KLF12: variants seen among roughly 807,000 people sequenced by gnomAD.
The protein encoded by KLF12 is KLF transcription factor 12, also known as Krueppel-like factor 12.
A neutral mutation model predicts 37.8 loss-of-function variants in KLF12; 9 were observed. The ratio of observed to expected loss-of-function variants is 0.24; its 90% CI spans 0.14 to 0.42. The LOEUF is 0.42. KLF12 is among the 10% of genes least tolerant of loss of function. The probability of loss-of-function intolerance (pLI) is 1.00; values close to 1 mark genes in which losing one functional copy is unlikely to be tolerated. For synonymous variants in KLF12, 208 were observed against 202.1 expected (o/e 1.03, Z -0.25); for missense variants, 411 against 516.0 (o/e 0.80, Z 1.97).
At chr13:74,198,503 A>G in the KLF12 span, among the ~76,000 whole-genome samples, 1 of 152,134 alleles carries the variant, frequency 6.6e-6, no homozygotes, top group Admixed American at 6.6e-5. Flanking sequence ...TTCCATCTAC[A>G]CTGAGATAAG....
At chr13:74,021,011 C>T (rs543035023) in intron 1 of KLF12, among the ~76,000 whole-genome samples, 82 of 152,222 alleles carry the variant, frequency 5.4e-4, no homozygotes, top group Middle Eastern at 3.4e-3. Flanking sequence ...CCAGACCCCT[C>T]GACGTCTGCT....
chr13:73,770,139 A>G (rs1454114735), intron 5 of KLF12, among the ~76,000 whole-genome samples: 1 of 152,202 alleles, frequency 6.6e-6, no homozygotes, highest in African/African-American at 2.4e-5. Flanking sequence ...AAATAACTCC[A>G]CAATTACTAA....
At chr13:73,842,450 C>T (rs1884787887) in intron 4 of KLF12, among the ~76,000 whole-genome samples, 2 of 152,118 alleles carry the variant, frequency 1.3e-5, no homozygotes, top group South Asian at 4.1e-4. Context: ...TCTGCTTTGC[C>T]CAACACTGTA....
chr13:73,935,497 C>T (rs1465265168), intron 3 of KLF12, among the ~76,000 whole-genome samples: 1 of 151,982 alleles, frequency 6.6e-6, no homozygotes, highest in East Asian at 1.9e-4. Flanking sequence ...GGGGCGGATC[C>T]CTCATTAATG....
the KLF12 span, among the ~76,000 whole-genome samples, chr13:74,163,374 TAC>T: frequency 1.4e-4 from 21 of 152,300 alleles, no homozygotes; most frequent in African/African-American, 4.6e-4. Context: ...GTGATATATA[TAC>T]ACAATGAAGT....
At chr13:74,151,425 C>A in the KLF12 span, among the ~76,000 whole-genome samples, 1 of 152,056 alleles carries the variant, frequency 6.6e-6, no homozygotes. Context: ...CCGAGGTGGG[C>A]GGATTGCTTG....
the KLF12 span, among the ~76,000 whole-genome samples, chr13:74,240,273 C>T: frequency 7.1e-6 from 1 of 140,508 alleles, no homozygotes; most frequent in Admixed American, 7.1e-5. Flanking sequence ...ATATTGGCCC[C>T]CACTCTCTTC....
chr13:74,300,932 T>C, the KLF12 span, among the ~76,000 whole-genome samples: 11 of 152,124 alleles, frequency 7.2e-5, no homozygotes, highest in South Asian at 2.1e-4. Flanking sequence ...CAGACTGACA[T>C]TGACAAATAG....
At chr13:74,279,444 T>C in the KLF12 span, among the ~76,000 whole-genome samples, 2 of 151,934 alleles carry the variant, frequency 1.3e-5, no homozygotes, top group African/African-American at 2.4e-5. Context: ...TTTTGGTGGG[T>C]AAGAAAAATT....
intron 5 of KLF12, among the ~76,000 whole-genome samples, 171 bp from the exon 6 acceptor site, chr13:73,765,171 C>G (rs1879830215): frequency 6.6e-6 from 1 of 152,170 alleles, no homozygotes; most frequent in Admixed American, 6.6e-5. Context: ...GCCTGCAAAT[C>G]TGTGGTCCTT....
intron 1 of KLF12, 133 bp from the exon 2 acceptor site, chr13:73,995,186 TTCTTCAGCTATGTGTTGTTGGCTTGC>T (rs1487798001): frequency 9.6e-5 from 59 of 617,434 alleles, no homozygotes; most frequent in Non-Finnish European, 1.4e-4. Flanking sequence ...GGAATATCTT[TTCTTCAGCTATGTGTTGTTGGCTTGC>T]TCTTCAGCAG....
At chr13:73,963,849 T>C (rs894017204) in intron 2 of KLF12, among the ~76,000 whole-genome samples, 1 of 152,230 alleles carries the variant, frequency 6.6e-6, no homozygotes, top group Non-Finnish European at 1.5e-5. Context: ...TAAGAAATCA[T>C]GTACAGCTTG....
At chr13:74,134,630 A>G (rs1262386868), upstream of KLF12, among the ~76,000 whole-genome samples, 2 of 146,518 alleles carry the variant, frequency 1.4e-5, no homozygotes, top group Admixed American at 1.3e-4. Flanking sequence ...CAAATAACCC[A>G]CACATGGCCC....
intron 3 of KLF12, among the ~76,000 whole-genome samples, chr13:73,927,626 G>A (rs1889457552): frequency 6.6e-6 from 1 of 152,002 alleles, no homozygotes; most frequent in Admixed American, 6.6e-5. Context: ...GCCCAGGCTG[G>A]AGTGCAGTGG....
At chr13:74,013,929 C>A (rs996126269) in intron 1 of KLF12, among the ~76,000 whole-genome samples, 2 of 151,874 alleles carry the variant, frequency 1.3e-5, no homozygotes, top group African/African-American at 4.8e-5. Context: ...ATCCTCCCAT[C>A]TCAGCCTTCA....
chr13:73,710,869 C>A (rs534866178), intron 7 of KLF12, among the ~76,000 whole-genome samples: 241 of 152,290 alleles, frequency 1.6e-3, no homozygotes, highest in Middle Eastern at 3.4e-3. Context: ...ACTTCGAAAG[C>A]TGAGATGGGC....
chr13:74,137,773 A>AT (rs1878601058), upstream of KLF12, among the ~76,000 whole-genome samples: 7 of 152,016 alleles, frequency 4.6e-5, no homozygotes, highest in South Asian at 1.5e-3. Context: ...TTATTTATTT[A>AT]TTTTGAGACG....
the KLF12 span, among the ~76,000 whole-genome samples, chr13:74,287,349 T>TGAGAGAGAGAGAGATAGA: frequency 1.4e-5 from 1 of 71,866 alleles, no homozygotes; most frequent in African/African-American, 6.2e-5. Context: ...CTATCAAAGT[T>TGAGAGAGAGAGAGATAGA]GAGAGAGAGA....
At chr13:73,811,398 G>A (rs114134124) in intron 5 of KLF12, among the ~76,000 whole-genome samples, 283 of 152,236 alleles carry the variant, frequency 1.9e-3, no homozygotes, top group African/African-American at 6.7e-3. Context: ...GACTGGAAAA[G>A]TCATCAACCT....
Sources: allele counts gnomAD v4.1 joint callset (sites outside exome capture counted in the v4.1 genomes callset), GRCh38; gene constraint gnomAD v4.1.1; transcripts MANE v1.5; gene names NCBI Gene and HGNC (gene_info 2026-07-23, HGNC 2026-07-21).